Variants in SDK1 observed in about 807,000 individuals in gnomAD.
The protein encoded by SDK1 is protein sidekick-1.
In SDK1, 157 loss-of-function variants were observed where a neutral mutation model predicts 245.5. That is an observed-to-expected ratio of 0.64 (90% CI 0.56 to 0.73). The LOEUF is 0.73. Among genes scored for constraint, SDK1 ranks in the 30% least tolerant of loss-of-function variants. The pLI, the probability that SDK1 is intolerant of heterozygous loss-of-function variation, is 0.00. For synonymous variants in SDK1, 1,647 were observed against 1,278.5 expected (o/e 1.29, Z -6.15); for missense variants, 3,583 against 3,002.3 (o/e 1.19, Z -4.52).
intron 4 of SDK1, among the ~76,000 whole-genome samples, chr7:3,816,802 C>T (rs916645835): frequency 1.3e-5 from 2 of 151,962 alleles, no homozygotes; most frequent in African/African-American, 4.8e-5. Flanking sequence ...AACACTAAGC[C>T]TTGGAATCAA....
At chr7:3,763,699 TA>T (rs1164970385) in intron 4 of SDK1, among the ~76,000 whole-genome samples, 1 of 152,224 alleles carries the variant, frequency 6.6e-6, no homozygotes, top group African/African-American at 2.4e-5. Flanking sequence ...GATGCCAGAA[TA>T]ACAGTTACCT....
chr7:3,510,254 G>T lies in SDK1; in HGVS notation c.299-108826G>T, dbSNP rs552635196. ...CACAAGGTGGTGAGGAAGCCAGCCTGCCTCAAGGAGTTTAACATTTCCTAG... is the reference window on the plus strand; with the variant it reads ...CACAAGGTGGTGAGGAAGCCAGCCTTCCTCAAGGAGTTTAACATTTCCTAG... On this transcript the variant is annotated intron_variant, in intron 1 of 44. Coordinates refer to ENST00000404826, the MANE Select transcript of SDK1 (RefSeq NM_152744.4). 9.8e-5 allele frequency among the ~76,000 whole-genome samples: 15 copies of T among 152,296 alleles called. No individual in the cohort carries two copies. The East Asian group carries it at 2.5e-3, about 25-fold the overall frequency.
Position 3,341,422 on chromosome 7 carries a change from C to G in SDK1, c.298+39538C>G, listed in dbSNP as rs1376089502. Among the ~76,000 whole-genome samples, 5 of 152,182 alleles carry G rather than the reference C, an allele frequency of 3.3e-5. No homozygotes were observed. In the East Asian group the frequency reaches 7.7e-4, roughly 23 times the overall value. On this transcript the variant is annotated intron_variant, in intron 1 of 44. Transcript: ENST00000404826. ...TACTTCATGATGAAAGATGGAATGT[C>G]TTTCCTCTCAGGTTGGGAACAAGGC...
chr7:4,206,531 G>A (rs777581285), intron 36 of SDK1, among the ~76,000 whole-genome samples: 75 of 152,172 alleles, frequency 4.9e-4, no homozygotes, highest in Non-Finnish European at 9.8e-4. Flanking sequence ...GAACCGCCAC[G>A]GTAACATGTG....
At chr7:4,255,827 T>G (rs535211371) in intron 44 of SDK1, among the ~76,000 whole-genome samples, 39 of 152,088 alleles carry the variant, frequency 2.6e-4, no homozygotes, top group Middle Eastern at 3.4e-3. Context: ...CACCACAGAC[T>G]CTCACTATCG....
intron 1 of SDK1, among the ~76,000 whole-genome samples, chr7:3,501,110 C>T (rs1430002818): frequency 6.6e-6 from 1 of 152,144 alleles, no homozygotes; most frequent in African/African-American, 2.4e-5. Flanking sequence ...AAGTGGCAGA[C>T]TAAAACATTG....
intron 17 of SDK1, among the ~76,000 whole-genome samples, chr7:4,036,920 A>G (rs988869318): frequency 5.3e-5 from 8 of 152,214 alleles, no homozygotes; most frequent in African/African-American, 1.9e-4. Flanking sequence ...CTAAGTTGGT[A>G]TACTTTTCAC....
In SDK1 at chr7:4,017,264, G is replaced by C; in HGVS notation, c.2514G>C (p.Trp838Cys). The change falls in exon 17 of 45, where the codon TGG becomes TGC. Residue 838 changes from tryptophan to cysteine, a missense_variant. By Grantham distance (215) the Trp-to-Cys change is radical. Transcript: ENST00000404826. ...GCCTGGTGACAGACCTGATCATCTG[G>C]ACACAGTATGAGATACAGGTGGCGG... Reference protein sequence around the residue: ...NYCLVTDLIIWTQYEIQVAAY... With the variant: ...NYCLVTDLIICTQYEIQVAAY... The C allele has an allele frequency of 6.2e-7, 1 of 1,614,118 alleles. No individual in the cohort carries two copies. The highest frequency in any genetic ancestry group is 8.5e-7 in the Non-Finnish European group (1 of 1,180,000).
intron 17 of SDK1, among the ~76,000 whole-genome samples, chr7:4,033,618 A>C (rs1485460234): frequency 6.6e-6 from 1 of 152,216 alleles, no homozygotes; most frequent in African/African-American, 2.4e-5. Flanking sequence ...TAAAACAGAG[A>C]AGAAGAAGAA....
At chr7:3,906,650 CAG>C (rs1778951517) in intron 5 of SDK1, among the ~76,000 whole-genome samples, 1 of 81,800 alleles carries the variant, frequency 1.2e-5, no homozygotes, top group Non-Finnish European at 2.2e-5. Flanking sequence ...TTTTTTGAGA[CAG>C]AGTCTTGTTC....
At chr7:3,430,917 T>A (rs1012297453) in intron 1 of SDK1, among the ~76,000 whole-genome samples, 7 of 152,180 alleles carry the variant, frequency 4.6e-5, no homozygotes, top group Non-Finnish European at 8.8e-5. Flanking sequence ...CGTTTGTGTT[T>A]TGAGATGGAA....
At position 3,854,552 on chromosome 7, in the gene SDK1, A is replaced by G. The variant is rs540215082; in HGVS notation, c.847+32969A>G. ...AGCAACCATATTCCGTAATGCCAAC[A>G]CGAAGATCTTTCAATGAGAATGAAA... On this transcript the variant is annotated intron_variant, in intron 5 of 44. Coordinates refer to ENST00000404826, the MANE Select transcript of SDK1 (RefSeq NM_152744.4). 2.0e-5 allele frequency among the ~76,000 whole-genome samples: 3 copies of G among 152,332 alleles called. No individual in the cohort carries two copies. In the South Asian group the frequency reaches 6.2e-4, roughly 32 times the overall value.
intron 1 of SDK1, among the ~76,000 whole-genome samples, chr7:3,356,596 C>T (rs902490889): frequency 6.6e-6 from 1 of 152,042 alleles, no homozygotes; most frequent in South Asian, 2.1e-4. Context: ...TTTATCTGAC[C>T]AAGAAAGTAG....
At chr7:3,607,696 T>C (rs577562097) in intron 1 of SDK1, among the ~76,000 whole-genome samples, 1 of 152,372 alleles carries the variant, frequency 6.6e-6, no homozygotes, top group South Asian at 2.1e-4. Flanking sequence ...GCCTGATTTA[T>C]GTGTGTTATT....
intron 1 of SDK1, among the ~76,000 whole-genome samples, chr7:3,406,183 T>C (rs1285663353): frequency 6.6e-6 from 1 of 152,230 alleles, no homozygotes; most frequent in African/African-American, 2.4e-5. Flanking sequence ...TTTGTTCTCA[T>C]TTAAAATCCT....
Position 3,516,618 on chromosome 7 carries a change from G to A in SDK1, c.299-102462G>A, listed in dbSNP as rs1463701096. ...TTCATTTTCTGGTGTGCTACTAACA[G>A]TATTTTCACAAAATGCTTTAAGCAT... is the stretch of plus-strand genomic sequence containing the variant. On this transcript the variant is annotated intron_variant, in intron 1 of 44. Coordinates refer to ENST00000404826, the MANE Select transcript of SDK1 (RefSeq NM_152744.4). 2.6e-5 allele frequency among the ~76,000 whole-genome samples: 4 copies of A among 152,082 alleles called. No individual in the cohort carries two copies. In the East Asian group the frequency reaches 5.8e-4, roughly 22 times the overall value.
Position 3,822,315 on chromosome 7 carries a change from C to T in SDK1, c.847+732C>T, listed in dbSNP as rs527514993. On this transcript the variant is annotated intron_variant, in intron 5 of 44. Coordinates refer to ENST00000404826, the MANE Select transcript of SDK1 (RefSeq NM_152744.4). ...CATGGTATGAAATGAAATTGTCATGCGGTTGAGAAAATAGGGTTGAAACTA... is the reference window on the plus strand; with the variant it reads ...CATGGTATGAAATGAAATTGTCATGTGGTTGAGAAAATAGGGTTGAAACTA... 1.1e-4 allele frequency among the ~76,000 whole-genome samples: 17 copies of T among 152,058 alleles called. 1 individual carries two copies. Among genetic ancestry groups the T allele is most frequent in the Admixed American group, 5.9e-4 (9 of 15,268 alleles).
intron 34 of SDK1, among the ~76,000 whole-genome samples, chr7:4,177,098 G>T (rs1362274685): frequency 6.6e-6 from 1 of 152,270 alleles, no homozygotes; most frequent in Non-Finnish European, 1.5e-5. Flanking sequence ...GGAGTGATTT[G>T]CAGGGCAGCA....
chr7:3,506,865 T>C (rs1782410662), intron 1 of SDK1, among the ~76,000 whole-genome samples: 2 of 152,196 alleles, frequency 1.3e-5, no homozygotes, highest in Non-Finnish European at 2.9e-5. Flanking sequence ...CACACATTTA[T>C]TCATTTGAAT....
Sources: gnomAD v4.1 joint callset for allele counts (sites outside exome capture counted in the v4.1 genomes callset) on GRCh38, gnomAD v4.1.1 for gene constraint, MANE v1.5 for transcripts, NCBI Gene and HGNC (gene_info 2026-07-23, HGNC 2026-07-21) for gene names.